RBMS3: variants seen among roughly 807,000 people sequenced by gnomAD.
RBMS3 encodes RNA-binding motif, single-stranded-interacting protein 3.
Under a neutral mutation model 66.8 loss-of-function variants are expected in RBMS3, and 27 were observed. That is an observed-to-expected ratio of 0.40 (90% confidence interval 0.30 to 0.56). The LOEUF (loss-of-function observed/expected upper bound fraction) is 0.56. Among genes scored for constraint, RBMS3 ranks in the 20% least tolerant of loss-of-function variants. RBMS3 has a pLI of 0.40. For synonymous variants in RBMS3, 188 were observed against 183.0 expected (o/e 1.03, Z -0.22); for missense variants, 513 against 549.5 (o/e 0.93, Z 0.66).
intron 6 of RBMS3, among the ~76,000 whole-genome samples, chr3:29,817,192 CTTTTT>C (rs373365962): frequency 7.9e-6 from 1 of 127,226 alleles, no homozygotes; most frequent in South Asian, 2.3e-4. Context: ...ATTTTCTTTT[CTTTTT>C]TTTTTTTTGA....
chr3:29,484,480 A>C (rs2043249939), intron 2 of RBMS3, among the ~76,000 whole-genome samples: 1 of 152,106 alleles, frequency 6.6e-6, no homozygotes, highest in Admixed American at 6.5e-5. Context: ...CCTATCGTAT[A>C]ACCTTATTTT....
chr3:29,737,619 G>T (rs913777362), intron 4 of RBMS3, among the ~76,000 whole-genome samples: 23 of 152,144 alleles, frequency 1.5e-4, no homozygotes, highest in African/African-American at 5.3e-4. Flanking sequence ...ATGATGAATG[G>T]TGAAATACTA....
chr3:29,341,952 A>C (rs1352643603), intron 1 of RBMS3, among the ~76,000 whole-genome samples: 1 of 152,144 alleles, frequency 6.6e-6, no homozygotes, highest in Non-Finnish European at 1.5e-5. Flanking sequence ...GACGGGACAC[A>C]TATTCTCTCG....
At chr3:29,658,892 G>A (rs1358333442) in intron 4 of RBMS3, among the ~76,000 whole-genome samples, 2 of 152,132 alleles carry the variant, frequency 1.3e-5, no homozygotes, top group Non-Finnish European at 2.9e-5. Context: ...GCACGATCTC[G>A]GCTCACTGCA....
intron 1 of RBMS3, among the ~76,000 whole-genome samples, chr3:29,316,549 G>A (rs940758285): frequency 1.3e-5 from 2 of 151,540 alleles, no homozygotes; most frequent in Admixed American, 1.3e-4. Flanking sequence ...ACTTTCCACT[G>A]TGCTCACTCT....
At chr3:29,579,435 C>T (rs2047246089) in intron 3 of RBMS3, among the ~76,000 whole-genome samples, 2 of 152,134 alleles carry the variant, frequency 1.3e-5, no homozygotes. Context: ...TATTGTTCTA[C>T]CCATCTGTAA....
At chr3:29,654,208 A>G (rs757118805) in intron 4 of RBMS3, among the ~76,000 whole-genome samples, 4 of 152,212 alleles carry the variant, frequency 2.6e-5, no homozygotes, top group Non-Finnish European at 4.4e-5. Context: ...ATTCCTATTT[A>G]GACAGTTTTA....
intron 4 of RBMS3, among the ~76,000 whole-genome samples, chr3:29,603,818 T>A (rs1426794793): frequency 6.6e-6 from 1 of 152,002 alleles, no homozygotes; most frequent in African/African-American, 2.4e-5. Context: ...AACTGGCCAC[T>A]ATGTTAATAC....
intron 10 of RBMS3, among the ~76,000 whole-genome samples, chr3:29,905,439 A>AT (rs891788233): frequency 2.6e-5 from 4 of 151,650 alleles, no homozygotes; most frequent in Non-Finnish European, 5.9e-5. Context: ...CATTTTTTTG[A>AT]TTTTTTTTCC....
At chr3:29,297,754 C>A (rs912445549) in intron 1 of RBMS3, among the ~76,000 whole-genome samples, 1 of 151,762 alleles carries the variant, frequency 6.6e-6, no homozygotes, top group East Asian at 2.0e-4. Context: ...CTTTTGTCCC[C>A]TAGAGTAAAT....
At chr3:29,691,259 A>G (rs2051993799) in intron 4 of RBMS3, among the ~76,000 whole-genome samples, 1 of 152,180 alleles carries the variant, frequency 6.6e-6, no homozygotes, top group Non-Finnish European at 1.5e-5. Flanking sequence ...TTTCTCTTCT[A>G]TTTGTACTAA....
chr3:29,404,993 A>C (rs1055378008), intron 1 of RBMS3, among the ~76,000 whole-genome samples: 1 of 152,168 alleles, frequency 6.6e-6, no homozygotes, highest in Non-Finnish European at 1.5e-5. Context: ...AAAACTAGGC[A>C]TGGAAGAAAA....
intron 3 of RBMS3, among the ~76,000 whole-genome samples, chr3:29,584,923 T>G (rs9835863): frequency 0.06 from 9,058 of 152,216 alleles, 554 homozygotes; most frequent in East Asian, 0.32. Flanking sequence ...TTCACACCAC[T>G]GCTTCTTTAA....
intron 5 of RBMS3, among the ~76,000 whole-genome samples, chr3:29,755,789 C>G (rs1008589959): frequency 6.6e-5 from 10 of 152,128 alleles, no homozygotes; most frequent in African/African-American, 2.4e-4. Context: ...TTCTTTCAAG[C>G]TTCCATAGGC....
At chr3:29,593,163 A>G (rs1016814071) in intron 4 of RBMS3, among the ~76,000 whole-genome samples, 1 of 151,584 alleles carries the variant, frequency 6.6e-6, no homozygotes, top group South Asian at 2.1e-4. Flanking sequence ...TTAAAGTATA[A>G]TAAAAAAAGG....
At chr3:29,822,299 A>G (rs948944731) in intron 6 of RBMS3, among the ~76,000 whole-genome samples, 3 of 152,196 alleles carry the variant, frequency 2.0e-5, no homozygotes, top group African/African-American at 7.2e-5. Context: ...GACTATTTCT[A>G]CCAGTTTCCC....
chr3:29,472,292 G>A (rs903435049), intron 2 of RBMS3, among the ~76,000 whole-genome samples: 5 of 151,178 alleles, frequency 3.3e-5, no homozygotes, highest in African/African-American at 7.3e-5. Context: ...CCACTTCCCC[G>A]GTTCAAGCGA....
intron 4 of RBMS3, among the ~76,000 whole-genome samples, chr3:29,735,940 T>A (rs1476104082): frequency 2.0e-5 from 3 of 152,106 alleles, no homozygotes; most frequent in Non-Finnish European, 4.4e-5. Flanking sequence ...CCATAAAAAT[T>A]TAAGTTAAAA....
intron 4 of RBMS3, among the ~76,000 whole-genome samples, chr3:29,666,789 T>C (rs1257329637): frequency 2.6e-5 from 4 of 152,190 alleles, no homozygotes; most frequent in African/African-American, 9.6e-5. Flanking sequence ...CTGGTTACTT[T>C]GTATAGAAAT....
Sources: gnomAD v4.1 joint callset for allele counts (sites outside exome capture counted in the v4.1 genomes callset) on GRCh38, gnomAD v4.1.1 for gene constraint, MANE v1.5 for transcripts, NCBI Gene and HGNC (gene_info 2026-07-23, HGNC 2026-07-21) for gene names.